Variants in SLC22A16 observed in about 807,000 individuals in gnomAD.
SLC22A16 encodes solute carrier family 22 member 16.
In SLC22A16, 53 loss-of-function variants were observed where a neutral mutation model predicts 52.9. The ratio of observed to expected loss-of-function variants is 1.00; its 90% CI spans 0.80 to 1.26. The LOEUF (loss-of-function observed/expected upper bound fraction) is 1.26. Ranked by LOEUF, SLC22A16 falls within the 50% of genes most tolerant of loss-of-function variation. The probability of loss-of-function intolerance (pLI) is 0.00; values close to 1 mark genes in which losing one functional copy is unlikely to be tolerated. For synonymous variants in SLC22A16, 291 were observed against 268.8 expected, an observed-to-expected ratio of 1.08 and a Z score of -0.81; for missense variants, 726 against 704.0, an observed-to-expected ratio of 1.03 and a Z score of -0.35.
intron 7 of SLC22A16, 137 bp downstream of exon 7, chr6:110,431,034 G>A: frequency 1.5e-6 from 1 of 682,542 alleles, no homozygotes; most frequent in Non-Finnish European, 2.5e-6. Flanking sequence ...CCAGCTGTTG[G>A]TAATGGGGTT....
intron 2 of SLC22A16, among the ~76,000 whole-genome samples, chr6:110,450,192 G>T (rs912182665): frequency 4.2e-5 from 5 of 117,862 alleles, no homozygotes; most frequent in East Asian, 7.7e-4. Flanking sequence ...AAAAAAGGAG[G>T]GGGGGGCACA....
intron 1 of SLC22A16, among the ~76,000 whole-genome samples, chr6:110,466,952 GAT>G (rs1776089542): frequency 6.6e-6 from 1 of 151,958 alleles, no homozygotes; most frequent in Non-Finnish European, 1.5e-5. Context: ...TAGATAGATA[GAT>G]AGATAGATAG....
At chr6:110,437,270 C>T (rs1258987649) in intron 5 of SLC22A16, among the ~76,000 whole-genome samples, 1 of 152,160 alleles carries the variant, frequency 6.6e-6, no homozygotes, top group African/African-American at 2.4e-5. Flanking sequence ...TGCTCTATTT[C>T]TAGAAATCTC....
At chr6:110,441,477 A>G (rs1021389313) in intron 4 of SLC22A16, among the ~76,000 whole-genome samples, 2 of 152,228 alleles carry the variant, frequency 1.3e-5, no homozygotes, top group Admixed American at 6.5e-5. Flanking sequence ...AACCAAAGCA[A>G]TGGTTACCAA....
intron 6 of SLC22A16, among the ~76,000 whole-genome samples, chr6:110,434,251 A>G (rs888562963): frequency 3.4e-4 from 52 of 152,134 alleles, no homozygotes; most frequent in African/African-American, 1.1e-3. Flanking sequence ...AAAAAATAAA[A>G]TAAAATCCAA....
intron 5 of SLC22A16, 39 bp downstream of exon 5, chr6:110,438,681 A>G (rs747878469): frequency 1.3e-6 from 2 of 1,581,278 alleles, no homozygotes; most frequent in Non-Finnish European, 1.7e-6. Flanking sequence ...TCAAACTGTC[A>G]CAGTATAACT....
intron 1 of SLC22A16, among the ~76,000 whole-genome samples, chr6:110,462,613 T>C (rs1002143510): frequency 6.6e-6 from 1 of 152,134 alleles, no homozygotes; most frequent in African/African-American, 2.4e-5. Context: ...ATAAAGTCTT[T>C]GAGAAATATG....
intron 1 of SLC22A16, 51 bp from the exon 2 acceptor site, chr6:110,457,068 G>T: frequency 1.3e-6 from 2 of 1,483,496 alleles, no homozygotes; most frequent in Non-Finnish European, 1.8e-6. Flanking sequence ...GGCTGAAAAA[G>T]AACATAAGCA....
chr6:110,432,917 C>T (rs1774563472), intron 6 of SLC22A16, among the ~76,000 whole-genome samples: 1 of 152,188 alleles, frequency 6.6e-6, no homozygotes, highest in Non-Finnish European at 1.5e-5. Flanking sequence ...CACTGTCTCC[C>T]ATAAAAATTC....
At chr6:110,430,288 G>T (rs2114887050) in intron 7 of SLC22A16, among the ~76,000 whole-genome samples, 1 of 152,162 alleles carries the variant, frequency 6.6e-6, no homozygotes, top group East Asian at 1.9e-4. Context: ...TGGAAGACAG[G>T]TGTCACTGGC....
At chr6:110,447,021 G>A in intron 2 of SLC22A16, 31 bp from the exon 3 acceptor site, 2 of 1,568,822 alleles carry the variant, frequency 1.3e-6, no homozygotes, top group Non-Finnish European at 1.7e-6. Context: ...AGTGGAAGAG[G>A]AAAGGTAGAG....
In SLC22A16 at chr6:110,435,278, C is replaced by T. The variant is rs981410567; in HGVS notation, c.1421+574G>A. Among the ~76,000 whole-genome samples, 13 of 152,184 alleles carry T rather than the reference C, an allele frequency of 8.5e-5. 1 individual carries two copies. The highest frequency in any genetic ancestry group is 1.9e-4 in the African/African-American group (8 of 41,510). ...TAAAATGAGGCTGTTAGGGTGAGGC[C>T]GTAATCCAATATGGCTGGTGTCTTA... On this transcript the variant is annotated intron_variant, in intron 6 of 7. Coordinates refer to ENST00000368919, the MANE Select transcript of SLC22A16 (RefSeq NM_033125.4).
intron 1 of SLC22A16, among the ~76,000 whole-genome samples, chr6:110,466,308 A>G (rs1228455281): frequency 6.6e-6 from 1 of 152,192 alleles, no homozygotes; most frequent in African/African-American, 2.4e-5. Context: ...TCAACTAAAA[A>G]GCTTCTGCAC....
intron 4 of SLC22A16, among the ~76,000 whole-genome samples, chr6:110,440,877 C>T (rs559339505): frequency 9.2e-5 from 14 of 152,218 alleles, no homozygotes; most frequent in South Asian, 6.2e-4. Context: ...CTTCTTAGAA[C>T]GTGTCTGAAG....
At chr6:110,467,821 T>C (rs932689662) in intron 1 of SLC22A16, among the ~76,000 whole-genome samples, 3 of 152,240 alleles carry the variant, frequency 2.0e-5, no homozygotes, top group Admixed American at 6.5e-5. Context: ...CATATTGACT[T>C]CTATGCACAC....
intron 3 of SLC22A16, among the ~76,000 whole-genome samples, chr6:110,445,781 C>T (rs1775147852): frequency 6.6e-6 from 1 of 152,122 alleles, no homozygotes; most frequent in Non-Finnish European, 1.5e-5. Context: ...GCCTTCAGTC[C>T]CACCAGAAGG....
chr6:110,438,009 G>A (rs866711074), intron 5 of SLC22A16, among the ~76,000 whole-genome samples: 1 of 152,042 alleles, frequency 6.6e-6, no homozygotes, highest in African/African-American at 2.4e-5. Flanking sequence ...TGTCTCCATG[G>A]CTGCCTCCCT....
intron 7 of SLC22A16, among the ~76,000 whole-genome samples, chr6:110,428,085 A>G (rs1774346545): frequency 2.6e-5 from 4 of 152,228 alleles, no homozygotes; most frequent in Admixed American, 2.6e-4. Context: ...CTAGAAAATA[A>G]TGGTTAATAA....
chr6:110,428,966 T>C (rs540037574), intron 7 of SLC22A16, among the ~76,000 whole-genome samples: 114 of 152,242 alleles, frequency 7.5e-4, no homozygotes, highest in African/African-American at 2.7e-3. Context: ...ATCTGTTAAA[T>C]AAAATTAGAG....
Sources: allele counts gnomAD v4.1 joint callset (sites outside exome capture counted in the v4.1 genomes callset), GRCh38; gene constraint gnomAD v4.1.1; transcripts MANE v1.5; gene names NCBI Gene and HGNC (gene_info 2026-07-23, HGNC 2026-07-21).